Variants in ADGRL4 observed in about 807,000 individuals in gnomAD.
ADGRL4 encodes the protein EGF, latrophilin and seven transmembrane domain containing 1.
Under a neutral mutation model 74.8 loss-of-function variants are expected in ADGRL4, and 90 were observed. That is an observed-to-expected ratio of 1.20 (90% CI 1.02 to 1.43). The LOEUF (loss-of-function observed/expected upper bound fraction) is 1.43. ADGRL4 is among the 40% of genes most tolerant of loss of function. The pLI is 0.00. For synonymous variants in ADGRL4, 311 were observed against 279.2 expected (o/e 1.11, Z -1.14); for missense variants, 881 against 814.3 (o/e 1.08, Z -1.00).
chr1:78,979,059 C>A (rs1279716159), intron 2 of ADGRL4, among the ~76,000 whole-genome samples: 2 of 151,874 alleles, frequency 1.3e-5, no homozygotes, highest in African/African-American at 2.4e-5. Context: ...AATATCACAG[C>A]GTTTTCTAGA....
At chr1:78,907,103 A>G (rs1013903387) in intron 12 of ADGRL4, among the ~76,000 whole-genome samples, 3 of 152,012 alleles carry the variant, frequency 2.0e-5, no homozygotes, top group Non-Finnish European at 4.4e-5. Context: ...CCAGCACTTC[A>G]TTTCATTCAG....
intron 2 of ADGRL4, among the ~76,000 whole-genome samples, chr1:78,969,494 C>G (rs76328265): frequency 0.12 from 17,826 of 152,124 alleles, 1,163 homozygotes; most frequent in Middle Eastern, 0.16. Context: ...ACAGGATCAC[C>G]CAACTCACAG....
chr1:78,895,642 G>A (rs915216229), intron 12 of ADGRL4, among the ~76,000 whole-genome samples: 7 of 152,038 alleles, frequency 4.6e-5, no homozygotes, highest in Admixed American at 2.0e-4. Flanking sequence ...AACAGCATAG[G>A]AAAATCTTCA....
chr1:78,952,322 A>C (rs111403435), intron 2 of ADGRL4, among the ~76,000 whole-genome samples: 3,649 of 118,410 alleles, frequency 0.031, 70 homozygotes, highest in South Asian at 0.072. Flanking sequence ...GGAGTAACAT[A>C]GAAAGCTTTT....
intron 2 of ADGRL4, among the ~76,000 whole-genome samples, chr1:79,001,557 A>G (rs1332332177): frequency 6.6e-6 from 1 of 152,208 alleles, no homozygotes; most frequent in African/African-American, 2.4e-5. Context: ...CATAAGATAC[A>G]TATTTATACA....
chr1:78,920,529 T>C lies in ADGRL4; in HGVS notation c.1258-143A>G, dbSNP rs74910716. The C allele has an allele frequency of 5.5e-3, 3,320 of 608,156 alleles. 75 individuals are homozygous for C. The highest frequency in any genetic ancestry group is 0.052 in the African/African-American group (2,766 of 53,528). The allele number at this position is 608,156 out of a possible 1,614,324, so 37.7% of individuals were successfully genotyped here. Reference sequence around the variant, plus strand: ...GTAAAAATATAAATGTGCATTTAGATGAGAAAAATTTTGTACTTTTGAAAA... The same window carrying C: ...GTAAAAATATAAATGTGCATTTAGACGAGAAAAATTTTGTACTTTTGAAAA... On this transcript the variant is annotated intron_variant, in intron 9 of 14. Coordinates refer to ENST00000370742, the MANE Select transcript of ADGRL4 (RefSeq NM_022159.4).
At chr1:78,930,862 G>A (rs562259328) in intron 7 of ADGRL4, among the ~76,000 whole-genome samples, 2 of 151,466 alleles carry the variant, frequency 1.3e-5, no homozygotes, top group South Asian at 2.1e-4. Flanking sequence ...ATCCATATAA[G>A]AAGGATATTC....
intron 2 of ADGRL4, among the ~76,000 whole-genome samples, chr1:78,973,428 G>T (rs1285376341): frequency 6.6e-6 from 1 of 151,464 alleles, no homozygotes. Flanking sequence ...AGTTTTAAAA[G>T]ATATTCTTAA....
chr1:78,904,817 T>C (rs1190358151), intron 12 of ADGRL4, among the ~76,000 whole-genome samples: 1 of 152,060 alleles, frequency 6.6e-6, no homozygotes, highest in Non-Finnish European at 1.5e-5. Context: ...AGGTTGTTTG[T>C]GTGTATTAAA....
chr1:78,925,973 C>A (rs1649104301), intron 8 of ADGRL4, among the ~76,000 whole-genome samples: 1 of 151,958 alleles, frequency 6.6e-6, no homozygotes, highest in Non-Finnish European at 1.5e-5. Flanking sequence ...TTCACACCTT[C>A]TTTTTCCCTC....
intron 8 of ADGRL4, among the ~76,000 whole-genome samples, chr1:78,926,082 G>T (rs1230502092): frequency 2.6e-5 from 4 of 151,830 alleles, no homozygotes; most frequent in African/African-American, 9.7e-5. Context: ...CTTAACAGTG[G>T]CATGTTTGTA....
intron 2 of ADGRL4, among the ~76,000 whole-genome samples, chr1:78,973,006 A>G (rs961023205): frequency 6.6e-6 from 1 of 152,156 alleles, no homozygotes; most frequent in African/African-American, 2.4e-5. Context: ...GTTTTAAAGG[A>G]AGCCAGACAG....
At chr1:78,974,751 G>C (rs1313176004) in intron 2 of ADGRL4, among the ~76,000 whole-genome samples, 1 of 152,118 alleles carries the variant, frequency 6.6e-6, no homozygotes, top group South Asian at 2.1e-4. Flanking sequence ...AGCCAGAAAT[G>C]GCTGATTGAA....
chr1:78,920,609 T>TA, intron 9 of ADGRL4, among the ~76,000 whole-genome samples: 1 of 152,068 alleles, frequency 6.6e-6, no homozygotes, highest in Middle Eastern at 3.4e-3. Flanking sequence ...AACAGTTCTG[T>TA]AATTGGTGAT....
intron 2 of ADGRL4, among the ~76,000 whole-genome samples, chr1:78,987,522 T>C (rs1650522134): frequency 1.3e-5 from 2 of 151,774 alleles, no homozygotes; most frequent in South Asian, 4.1e-4. Flanking sequence ...ACTAAAAATT[T>C]GGAAGTTATT....
chr1:78,935,286 C>T (rs1157244634), intron 7 of ADGRL4, among the ~76,000 whole-genome samples: 4 of 152,132 alleles, frequency 2.6e-5, no homozygotes, highest in Admixed American at 2.6e-4. Flanking sequence ...CCATCATCCT[C>T]AGCAAACTAA....
At chr1:78,961,859 T>C (rs1462128398) in intron 2 of ADGRL4, among the ~76,000 whole-genome samples, 3 of 151,728 alleles carry the variant, frequency 2.0e-5, no homozygotes, top group Non-Finnish European at 4.4e-5. Flanking sequence ...AATCATAATA[T>C]GGGCAGGATT....
In ADGRL4 at chr1:78,937,899, G is replaced by A; in HGVS notation, c.668C>T (p.Thr223Ile). The A allele has an allele frequency of 1.9e-6, 3 of 1,613,930 alleles. No homozygotes were observed. Among genetic ancestry groups the A allele is most frequent in the Non-Finnish European group, 2.5e-6 (3 of 1,179,884 alleles). The change falls in exon 6 of 15, where the codon ACA (threonine) becomes ATA (isoleucine). Residue 223 changes from threonine to isoleucine, a missense_variant. Thr to Ile is a moderately conservative substitution (Grantham distance 89). Transcript: ENST00000370742. ...LSVNHRRTHL[T>I]KLMHTVEQAT... ...TTGTTCAACAGTGTGCATGAGTTTT[G>A]TAAGATGTGTTCTCCTATGATTCAC...
Position 78,937,790 on chromosome 1 carries a change from G to A in ADGRL4, c.760+17C>T. On this transcript the variant is annotated intron_variant, in intron 6 of 14. Transcript: ENST00000370742. The stretch of plus-strand genomic sequence containing the variant: ...TTGGAAAACACAATTACTTTTAAAT[G>A]GACCCTTGTTTCTTACCTATATCCG... The A allele has an allele frequency of 3.8e-6, 6 of 1,590,922 alleles. No homozygotes were observed. Among genetic ancestry groups the A allele is most frequent in the African/African-American group, 1.4e-5 (1 of 73,474 alleles).
Sources: allele counts gnomAD v4.1 joint callset (sites outside exome capture counted in the v4.1 genomes callset), GRCh38; gene constraint gnomAD v4.1.1; transcripts MANE v1.5; gene names NCBI Gene and HGNC (gene_info 2026-07-23, HGNC 2026-07-21).